The following SUCLG2 variants were observed in gnomAD, a reference collection of about 807,000 sequenced individuals.
SUCLG2 encodes the protein succinate--CoA ligase [GDP-forming] subunit beta, mitochondrial.
A neutral mutation model predicts 47.9 loss-of-function variants in SUCLG2; 42 were observed. The observed-to-expected ratio is 0.88, with a 90% confidence interval of 0.69 to 1.14. The LOEUF (loss-of-function observed/expected upper bound fraction) is 1.14, where lower values mean the gene tolerates loss of function less well. Among genes scored for constraint, SUCLG2 ranks in the 50% most tolerant of loss-of-function variants. The pLI, the probability that SUCLG2 is intolerant of heterozygous loss-of-function variation, is 0.00. For missense variants in SUCLG2, 571 were observed against 525.9 expected, an observed-to-expected ratio of 1.09 and a Z score of -0.84; for synonymous variants, 195 against 197.3, an observed-to-expected ratio of 0.99 and a Z score of 0.10.
intron 2 of SUCLG2, among the ~76,000 whole-genome samples, chr3:67,544,331 C>T (rs1706804426): frequency 6.6e-6 from 1 of 152,018 alleles, no homozygotes; most frequent in South Asian, 2.1e-4. Flanking sequence ...AAGGGAGGGA[C>T]CTAGTGGGAG....
intron 1 of SUCLG2, among the ~76,000 whole-genome samples, chr3:67,634,323 C>T (rs1700973593): frequency 6.6e-6 from 1 of 152,092 alleles, no homozygotes; most frequent in South Asian, 2.1e-4. Context: ...TGGCTCACAC[C>T]TATAATCCCA....
At chr3:67,373,896 A>G (rs1347328590), downstream of SUCLG2, among the ~76,000 whole-genome samples, 1 of 152,208 alleles carries the variant, frequency 6.6e-6, no homozygotes, top group Non-Finnish European at 1.5e-5. Context: ...TAAGGATGCA[A>G]AAAGAACAAG....
At chr3:67,490,614 T>C (rs1705179497) in intron 9 of SUCLG2, among the ~76,000 whole-genome samples, 1 of 152,180 alleles carries the variant, frequency 6.6e-6, no homozygotes, top group Non-Finnish European at 1.5e-5. Context: ...ATCAGACACC[T>C]CCCATTTCTG....
At chr3:67,555,805 G>A (rs1707145937) in intron 2 of SUCLG2, among the ~76,000 whole-genome samples, 1 of 152,218 alleles carries the variant, frequency 6.6e-6, no homozygotes, top group Non-Finnish European at 1.5e-5. Context: ...AGACTGGTGG[G>A]TGGAAGGTAG....
At chr3:67,550,433 G>A (rs1706982321) in intron 2 of SUCLG2, among the ~76,000 whole-genome samples, 2 of 152,096 alleles carry the variant, frequency 1.3e-5, no homozygotes, top group Middle Eastern at 3.4e-3. Context: ...TCGAACTCCC[G>A]GGTTCAAGTG....
chr3:67,565,451 T>C (rs1328127694), intron 2 of SUCLG2, among the ~76,000 whole-genome samples: 1 of 152,198 alleles, frequency 6.6e-6, no homozygotes, highest in Non-Finnish European at 1.5e-5. Context: ...GCTATTAAAA[T>C]ACAAATATGC....
chr3:67,597,285 C>G (rs1012947950), intron 2 of SUCLG2, among the ~76,000 whole-genome samples: 1 of 152,150 alleles, frequency 6.6e-6, no homozygotes, highest in Admixed American at 6.5e-5. Context: ...TTAGTTTTAC[C>G]TTCTCCCTTA....
intron 9 of SUCLG2, among the ~76,000 whole-genome samples, chr3:67,418,711 A>G (rs1703088159): frequency 6.6e-6 from 1 of 152,158 alleles, no homozygotes; most frequent in Non-Finnish European, 1.5e-5. Context: ...GCTTCCAGTG[A>G]GCCATCCTGC....
At chr3:67,379,235 C>T (rs574924860) in intron 10 of SUCLG2, among the ~76,000 whole-genome samples, 31 of 152,232 alleles carry the variant, frequency 2.0e-4, no homozygotes, top group Admixed American at 5.2e-4. Flanking sequence ...CATGAGCCAC[C>T]GTACCCCATG....
chr3:67,559,721 A>G (rs1559571975), intron 2 of SUCLG2, among the ~76,000 whole-genome samples: 1 of 152,244 alleles, frequency 6.6e-6, no homozygotes, highest in Non-Finnish European at 1.5e-5. Flanking sequence ...TTTTACCAAT[A>G]AAAATTATAA....
intron 4 of SUCLG2, among the ~76,000 whole-genome samples, chr3:67,525,925 A>G (rs1248279133): frequency 6.6e-6 from 1 of 152,234 alleles, no homozygotes; most frequent in Non-Finnish European, 1.5e-5. Context: ...TCAAAACTCA[A>G]TAGTAAAAAC....
rs73088953 is a variant in SUCLG2 at position 67,506,588 on chromosome 3, C to A, written c.757+2219G>T. On this transcript the variant is annotated intron_variant, in intron 7 of 10. Coordinates refer to ENST00000307227, the MANE Select transcript of SUCLG2 (RefSeq NM_003848.4). Reference sequence around the variant, plus strand: ...AGAAAAGGTTCCCATACCCCTGTTCCCTGAAGCGAGAACACAGCTCGTGAC... The same window carrying A: ...AGAAAAGGTTCCCATACCCCTGTTCACTGAAGCGAGAACACAGCTCGTGAC... 8.7e-3 allele frequency among the ~76,000 whole-genome samples: 1,326 copies of A among 152,232 alleles called. 12 individuals are homozygous for A. Among genetic ancestry groups the A allele is most frequent in the Non-Finnish European group, 0.014 (984 of 68,020 alleles).
At chr3:67,525,210 T>C (rs191959390) in intron 4 of SUCLG2, among the ~76,000 whole-genome samples, 63 of 152,260 alleles carry the variant, frequency 4.1e-4, no homozygotes, top group Admixed American at 2.8e-3. Context: ...CCCTCCAAAT[T>C]CATATACAGG....
chr3:67,371,284 T>C (rs1292915980), downstream of SUCLG2, among the ~76,000 whole-genome samples: 3 of 152,178 alleles, frequency 2.0e-5, no homozygotes, highest in Non-Finnish European at 4.4e-5. Context: ...TTTGGATTTG[T>C]GAAATTTGGC....
intron 9 of SUCLG2, among the ~76,000 whole-genome samples, chr3:67,401,796 A>G (rs1311545039): frequency 6.6e-6 from 1 of 152,266 alleles, no homozygotes; most frequent in East Asian, 1.9e-4. Flanking sequence ...AAGCATATAT[A>G]TATGTGCTGC....
chr3:67,573,239 T>C (rs1707662686), intron 2 of SUCLG2, among the ~76,000 whole-genome samples: 1 of 152,178 alleles, frequency 6.6e-6, no homozygotes, highest in South Asian at 2.1e-4. Context: ...ACTCCCACAA[T>C]TGATGTACAG....
At chr3:67,609,379 T>C in intron 2 of SUCLG2, 76 bp downstream of exon 2, 2 of 1,515,442 alleles carry the variant, frequency 1.3e-6, no homozygotes, top group Non-Finnish European at 1.8e-6. Context: ...ACAAAAAAAA[T>C]TAACTAGTGG....
intron 2 of SUCLG2, among the ~76,000 whole-genome samples, chr3:67,585,848 T>C (rs1323213321): frequency 3.3e-5 from 5 of 151,686 alleles, no homozygotes; most frequent in Admixed American, 3.3e-4. Context: ...GTGCCTGTAA[T>C]TCCAGCTACT....
rs559431376 is a variant in SUCLG2 at position 67,567,233 on chromosome 3, AAT to A, written c.227-38049_227-38048del. 4.7e-3 allele frequency among the ~76,000 whole-genome samples: 719 copies of A among 152,274 alleles called. 3 individuals carry two copies. The highest frequency in any genetic ancestry group is 0.017 in the African/African-American group (690 of 41,558). ...GGAAAAATATCAATGGAAACTTAAA[AAT>A]ACTTTTAAATATAAAGTAATGCTGC... is the stretch of plus-strand genomic sequence containing the variant. On this transcript the variant is annotated intron_variant, in intron 2 of 10. Coordinates refer to ENST00000307227, the MANE Select transcript of SUCLG2 (RefSeq NM_003848.4).
Sources: gnomAD v4.1 joint callset for allele counts (sites outside exome capture counted in the v4.1 genomes callset) on GRCh38, gnomAD v4.1.1 for gene constraint, MANE v1.5 for transcripts, NCBI Gene and HGNC (gene_info 2026-07-23, HGNC 2026-07-21) for gene names.